Variants in TPTE observed in about 807,000 individuals in gnomAD.
TPTE encodes the protein putative tyrosine-protein phosphatase TPTE.
TPTE carries 59 observed loss-of-function variants against 84.1 expected under a neutral mutation model. The ratio of observed to expected loss-of-function variants is 0.70; its 90% CI spans 0.57 to 0.87. The LOEUF (loss-of-function observed/expected upper bound fraction) is 0.87, where lower values mean the gene tolerates loss of function less well. Ranked by LOEUF, TPTE falls within the 40% of genes least tolerant of loss-of-function variation. The probability of loss-of-function intolerance (pLI) is 0.00; values close to 1 mark genes in which losing one functional copy is unlikely to be tolerated. For synonymous variants in TPTE, 130 were observed against 223.5 expected (o/e 0.58, Z 3.73); for missense variants, 382 against 659.6 (o/e 0.58, Z 4.61).
chr21:10,539,545 G>T (rs1241257746), intron 4 of TPTE, among the ~76,000 whole-genome samples: 1 of 152,308 alleles, frequency 6.6e-6, no homozygotes, highest in Non-Finnish European at 1.5e-5. Flanking sequence ...TGTCTGTCGT[G>T]CATTGGCCAG....
At chr21:10,605,354 C>A (rs1347960194) in intron 23 of TPTE, 63 bp from the exon 24 acceptor site, 1 of 1,586,338 alleles carries the variant, frequency 6.3e-7, no homozygotes, top group Non-Finnish European at 8.6e-7. Flanking sequence ...AACGTGGGTA[C>A]CCAACTGTGT....
rs557146358 is a variant in TPTE, at chr21:10,539,939, G to A, written c.12-1173G>A. Among the ~76,000 whole-genome samples the A allele has an allele frequency of 4.6e-5, 7 of 152,422 alleles. No homozygotes were observed. The South Asian group carries it at 1.4e-3, about 32-fold the overall frequency. ...CAGGAGAATTGCTTGAACCCGGGAG[G>A]CAGAGGTTGCAGTGAGCCGAGATCA... On this transcript the variant is annotated intron_variant, in intron 4 of 23. Coordinates refer to ENST00000618007, the MANE Select transcript of TPTE (RefSeq NM_199261.4).
chr21:10,592,385 T>G lies in TPTE; in HGVS notation c.1170+12T>G. ...AAACTCCTTCTCAGGTAAGTTTTCT[T>G]TTTAAAAATGGGAGTTTTTTTAGGG... is the stretch of plus-strand genomic sequence containing the variant. On this transcript the variant is annotated intron_variant, in intron 19 of 23. Coordinates refer to ENST00000618007, the MANE Select transcript of TPTE (RefSeq NM_199261.4). The G allele has an allele frequency of 6.2e-7, 1 of 1,611,714 alleles. No individual in the cohort carries two copies. The highest frequency in any genetic ancestry group is 1.1e-5 in the South Asian group (1 of 91,036).
intron 20 of TPTE, among the ~76,000 whole-genome samples, chr21:10,596,427 C>T (rs1417870335): frequency 5.9e-5 from 9 of 152,300 alleles, no homozygotes; most frequent in Non-Finnish European, 1.2e-4. Flanking sequence ...ACCCATGTGC[C>T]CTCAAGCCTG....
intron 8 of TPTE, among the ~76,000 whole-genome samples, chr21:10,556,054 T>C (rs1415705697): frequency 1.0e-4 from 16 of 152,424 alleles, no homozygotes; most frequent in Middle Eastern, 3.4e-3. Context: ...TTTTTTATTA[T>C]TATTATACTG....
Position 10,578,535 on chromosome 21 carries a change from C to G in TPTE, c.957C>G (p.Thr319=), listed in dbSNP as rs759764021. 1 of 1,611,858 alleles carries G rather than the reference C, an allele frequency of 6.2e-7. No homozygotes were observed. The highest frequency in any genetic ancestry group is 1.3e-5 in the African/African-American group (1 of 74,880). The change falls in exon 17 of 24, where the codon ACC becomes ACG. Residue 319 remains threonine, a synonymous_variant. Transcript: ENST00000618007. ...VPTLHQMVVF[T]KEVNEWMAQD... ...AAATCAGTCAGATGGTGGTTTTCAC[C>G]AAGGAAGTAAATGAGTGGATGGCTC...
At chr21:10,547,332 TTGC>T (rs2074487553) in intron 7 of TPTE, among the ~76,000 whole-genome samples, 1 of 152,308 alleles carries the variant, frequency 6.6e-6, no homozygotes, top group South Asian at 2.1e-4. Flanking sequence ...TGACTGAAAG[TTGC>T]CACAGCATGG....
chr21:10,532,010 C>T (rs188922920), intron 3 of TPTE, among the ~76,000 whole-genome samples: 52 of 152,396 alleles, frequency 3.4e-4, no homozygotes, highest in Admixed American at 6.5e-4. Flanking sequence ...TCCATTGATA[C>T]TTATGGCATC....
At chr21:10,535,124 A>G (rs375601740) in intron 3 of TPTE, among the ~76,000 whole-genome samples, 1 of 152,308 alleles carries the variant, frequency 6.6e-6, no homozygotes, top group Non-Finnish European at 1.5e-5. Context: ...CTTGGCAGGT[A>G]GACTCTTGTC....
chr21:10,594,549 A>G (rs2075544767), intron 19 of TPTE, among the ~76,000 whole-genome samples: 1 of 152,308 alleles, frequency 6.6e-6, no homozygotes, highest in African/African-American at 2.4e-5. Context: ...GTGGGAGCAC[A>G]AGCAGCTTGA....
intron 21 of TPTE, among the ~76,000 whole-genome samples, chr21:10,598,479 T>C (rs1291124999): frequency 2.0e-5 from 3 of 152,308 alleles, no homozygotes; most frequent in African/African-American, 7.2e-5. Flanking sequence ...AAAAGTTTAG[T>C]GTGCATGAAA....
At position 10,605,638 on chromosome 21, in the gene TPTE, T is replaced by A; in HGVS notation, c.*86T>A. Reference sequence around the variant, plus strand: ...TCATATATCCTAAATCTATCCTAAATGTTCCTTGAAGTATTTATTTATGTT... The same window carrying A: ...TCATATATCCTAAATCTATCCTAAAAGTTCCTTGAAGTATTTATTTATGTT... On this transcript the variant is annotated 3_prime_UTR_variant, in exon 24 of 24. Coordinates refer to ENST00000618007, the MANE Select transcript of TPTE (RefSeq NM_199261.4). The A allele has an allele frequency of 6.3e-7, 1 of 1,594,270 alleles. No homozygotes were observed.
intron 17 of TPTE, among the ~76,000 whole-genome samples, chr21:10,579,426 G>T (rs1354525982): frequency 5.9e-5 from 9 of 152,412 alleles, no homozygotes; most frequent in African/African-American, 2.2e-4. Flanking sequence ...GGAGGCAGAG[G>T]TTGCGGTGAG....
chr21:10,540,809 TCAG>T, intron 4 of TPTE: 1 of 542,948 alleles, frequency 1.8e-6, no homozygotes, highest in South Asian at 1.4e-5. Flanking sequence ...GAAGGGAGAC[TCAG>T]GAACTAAATT....
intron 21 of TPTE, among the ~76,000 whole-genome samples, chr21:10,599,932 A>G (rs1291911028): frequency 6.6e-6 from 1 of 152,122 alleles, no homozygotes; most frequent in African/African-American, 2.4e-5. Context: ...ATCATGGCTC[A>G]CTGCAGCCTC....
chr21:10,559,263 A>T (rs1375535233), intron 8 of TPTE, among the ~76,000 whole-genome samples: 2 of 152,310 alleles, frequency 1.3e-5, no homozygotes, highest in Non-Finnish European at 2.9e-5. Context: ...TGCAATGGAA[A>T]TGTTACTAAA....
intron 23 of TPTE, among the ~76,000 whole-genome samples, chr21:10,604,034 T>C (rs1222120410): frequency 6.6e-6 from 1 of 152,312 alleles, no homozygotes; most frequent in Non-Finnish European, 1.5e-5. Context: ...AGGCAGGACC[T>C]AGGGAGGCTT....
chr21:10,534,005 C>T (rs199699376), intron 3 of TPTE, among the ~76,000 whole-genome samples: 2,297 of 151,414 alleles, frequency 0.015, no homozygotes, highest in East Asian at 0.15. Flanking sequence ...TTGAATCAGT[C>T]AGCCACCCGC....
intron 8 of TPTE, among the ~76,000 whole-genome samples, chr21:10,555,742 G>C (rs1441531928): frequency 1.3e-5 from 2 of 152,302 alleles, no homozygotes; most frequent in Non-Finnish European, 2.9e-5. Flanking sequence ...TATCTGATTT[G>C]TTTTCATCCC....
Sources: allele counts gnomAD v4.1 joint callset (sites outside exome capture counted in the v4.1 genomes callset), GRCh38; gene constraint gnomAD v4.1.1; transcripts MANE v1.5; gene names NCBI Gene and HGNC (gene_info 2026-07-23, HGNC 2026-07-21).